ABCC12: variants seen among roughly 807,000 people sequenced by gnomAD.
The protein encoded by ABCC12 is ATP-binding cassette sub-family C member 12.
A neutral mutation model predicts 151.1 loss-of-function variants in ABCC12; 142 were observed. That is an observed-to-expected ratio of 0.94 (90% CI 0.82 to 1.08). The LOEUF (loss-of-function observed/expected upper bound fraction) is 1.08, where lower values mean the gene tolerates loss of function less well. ABCC12 is among the 50% of genes least tolerant of loss of function. The pLI is 0.00. For synonymous variants in ABCC12, 645 were observed against 646.4 expected (o/e 1.00, Z 0.03); for missense variants, 1,638 against 1,691.1 (o/e 0.97, Z 0.55).
Position 48,091,158 on chromosome 16 carries a change from T to C in ABCC12, c.3247A>G (p.Lys1083Glu), listed in dbSNP as rs1962870300. The change falls in exon 25 of 31, where the codon AAA (lysine) becomes GAA (glutamate). Residue 1083 changes from lysine to glutamate, a missense_variant. By Grantham distance (56) the Lys-to-Glu change is moderately conservative. Transcript: ENST00000311303. The stretch of plus-strand genomic sequence containing the variant: ...CTGAGCAGCTCCACGGAGGTGAATT[T>C]GGCTTGCGTCTCTGTTCCCGTTCGC... ...CVRTGTETQAKFTSVELLREY... is the reference protein window; with the variant it reads ...CVRTGTETQAEFTSVELLREY... 6.2e-7 allele frequency: 1 copy of C among 1,614,112 alleles called. No homozygotes were observed. The highest frequency in any genetic ancestry group is 1.3e-5 in the African/African-American group (1 of 74,940).
chr16:48,141,414 C>A (rs1048886702), intron 4 of ABCC12, 61 bp from the exon 5 acceptor site: 1 of 1,591,794 alleles, frequency 6.3e-7, no homozygotes, highest in South Asian at 1.1e-5. Flanking sequence ...TTTGAAGCTA[C>A]GCTGTTGGGC....
chr16:48,112,722 A>T (rs1010207876), intron 15 of ABCC12, among the ~76,000 whole-genome samples: 2 of 152,108 alleles, frequency 1.3e-5, no homozygotes, highest in African/African-American at 4.8e-5. Context: ...TGTGTTCTAA[A>T]ATTACAAGCC....
chr16:48,137,148 A>C (rs910199779), intron 8 of ABCC12, among the ~76,000 whole-genome samples: 8 of 152,096 alleles, frequency 5.3e-5, no homozygotes, highest in African/African-American at 1.9e-4. Flanking sequence ...TCCAGGAGAG[A>C]GAGGATATTG....
In ABCC12 at chr16:48,133,675, G is replaced by C; in HGVS notation, c.1128+12C>G. On this transcript the variant is annotated intron_variant, in intron 9 of 30. Transcript: ENST00000311303. The stretch of plus-strand genomic sequence containing the variant: ...GGTTGTGAAAGAGCCTCGATCTGGA[G>C]CCAGCTCTTACCACGGGTGCGGTGA... The C allele has an allele frequency of 6.2e-7, 1 of 1,613,388 alleles. No homozygotes were observed. Among genetic ancestry groups the C allele is most frequent in the Non-Finnish European group, 8.5e-7 (1 of 1,179,732 alleles).
chr16:48,153,441 A>G (rs1965142093), intron 2 of ABCC12, among the ~76,000 whole-genome samples, 175 bp downstream of exon 2: 1 of 152,140 alleles, frequency 6.6e-6, no homozygotes, highest in Non-Finnish European at 1.5e-5. Context: ...CTCAGCTCTC[A>G]GGAGCCATGC....
At chr16:48,101,587 C>T (rs73540863) in intron 22 of ABCC12, among the ~76,000 whole-genome samples, 2,620 of 152,030 alleles carry the variant, frequency 0.017, 69 homozygotes, top group African/African-American at 0.06. Flanking sequence ...GGCTGGCCCC[C>T]GAGAGAGAAG....
chr16:48,140,350 C>A (rs1378550612), intron 6 of ABCC12, among the ~76,000 whole-genome samples: 1 of 152,154 alleles, frequency 6.6e-6, no homozygotes, highest in Non-Finnish European at 1.5e-5. Flanking sequence ...TTGGAGCCAT[C>A]AGTTCATCCA....
Position 48,153,779 on chromosome 16 carries a change from A to T in ABCC12, c.-214T>A, listed in dbSNP as rs1438364528. ...TCAGCGCGCATAGGAAATTGGTGCTAGAAGGTAATTTCCTTGAGTGCTCCC... is the reference window on the plus strand; with the variant it reads ...TCAGCGCGCATAGGAAATTGGTGCTTGAAGGTAATTTCCTTGAGTGCTCCC... On this transcript the variant is annotated 5_prime_UTR_variant, in exon 2 of 31. An upstream open reading frame in the 5' UTR loses its in-frame stop. Transcript: ENST00000311303. 1 of 152,230 alleles carries T rather than the reference A, an allele frequency of 6.6e-6. No individual in the cohort carries two copies. The highest frequency in any genetic ancestry group is 1.5e-5 in the Non-Finnish European group (1 of 68,052). The allele number at this position is 152,230 out of a possible 1,614,324, so 9.4% of individuals were successfully genotyped here. A position where few individuals can be genotyped will look rare whatever the true frequency, so the allele number is the denominator to read the frequency against.
At chr16:48,107,456 T>A in intron 19 of ABCC12, 31 bp from the exon 20 acceptor site, 1 of 1,590,832 alleles carries the variant, frequency 6.3e-7, no homozygotes, top group Non-Finnish European at 8.6e-7. Flanking sequence ...CCCAAGGGGC[T>A]GCAGACATGA....
At chr16:48,121,560 A>T (rs1490415637) in intron 13 of ABCC12, 156 bp downstream of exon 13, 6 of 1,032,988 alleles carry the variant, frequency 5.8e-6, no homozygotes, top group Non-Finnish European at 6.9e-6. Context: ...TTGGCTCAGG[A>T]AGAGGAAAAC....
Position 48,082,498 on chromosome 16 carries a change from C to T in ABCC12, c.*1217G>A, listed in dbSNP as rs28560105. 7.1e-3 allele frequency among the ~76,000 whole-genome samples: 1,075 copies of T among 152,324 alleles called. 7 individuals are homozygous for T. Among genetic ancestry groups the T allele is most frequent in the African/African-American group, 0.024 (977 of 41,574 alleles). On this transcript the variant is annotated 3_prime_UTR_variant, in exon 31 of 31. Coordinates refer to ENST00000311303, the MANE Select transcript of ABCC12 (RefSeq NM_001393797.1). Reference sequence around the variant, plus strand: ...GCCAGGCTCCACAGCTGTGTTTCAGCGAGTTCATTAGATGCTGTCATTCAT... The same window carrying T: ...GCCAGGCTCCACAGCTGTGTTTCAGTGAGTTCATTAGATGCTGTCATTCAT...
At chr16:48,090,483 T>C (rs981876816) in intron 25 of ABCC12, among the ~76,000 whole-genome samples, 2 of 149,994 alleles carry the variant, frequency 1.3e-5, no homozygotes, top group African/African-American at 4.9e-5. Flanking sequence ...GCTTCAAGCA[T>C]TCCTCCTGCC....
At chr16:48,109,514 G>C (rs1375328644) in intron 18 of ABCC12, among the ~76,000 whole-genome samples, 3 of 152,212 alleles carry the variant, frequency 2.0e-5, no homozygotes, top group Non-Finnish European at 2.9e-5. Flanking sequence ...TTTATAAACA[G>C]AGATAAATAG....
chr16:48,126,837 C>T (rs1461762342), intron 11 of ABCC12, among the ~76,000 whole-genome samples: 14 of 152,138 alleles, frequency 9.2e-5, no homozygotes, highest in Admixed American at 9.2e-4. Flanking sequence ...AAAACATTGA[C>T]TGCATCCTTG....
chr16:48,139,862 T>G (rs1328427709), intron 6 of ABCC12, among the ~76,000 whole-genome samples: 2 of 152,186 alleles, frequency 1.3e-5, no homozygotes, highest in African/African-American at 4.8e-5. Flanking sequence ...CTACCACCTG[T>G]CTGAAGCGTG....
chr16:48,115,862 T>C (rs1963867483), intron 14 of ABCC12, among the ~76,000 whole-genome samples: 1 of 152,188 alleles, frequency 6.6e-6, no homozygotes, highest in African/African-American at 2.4e-5. Context: ...CAAAGCTCTT[T>C]CCCATGAGGA....
chr16:48,110,886 T>A (rs1207700605), intron 18 of ABCC12, among the ~76,000 whole-genome samples: 2 of 152,262 alleles, frequency 1.3e-5, no homozygotes, highest in African/African-American at 4.8e-5. Flanking sequence ...CTCTTCTTAC[T>A]CTCCTCAGCC....
chr16:48,115,690 G>A, intron 14 of ABCC12, 72 bp from the exon 15 acceptor site: 3 of 1,451,662 alleles, frequency 2.1e-6, no homozygotes, highest in South Asian at 2.6e-5. Flanking sequence ...AAGCTTCCTG[G>A]AGCTTCTCAG....
intron 14 of ABCC12, among the ~76,000 whole-genome samples, chr16:48,116,821 T>C (rs1352322151): frequency 6.6e-6 from 1 of 151,900 alleles, no homozygotes; most frequent in African/African-American, 2.4e-5. Context: ...GGTGGCAGGC[T>C]CAGCCCAGGA....
Sources: allele counts gnomAD v4.1 joint callset (sites outside exome capture counted in the v4.1 genomes callset), GRCh38; gene constraint gnomAD v4.1.1; transcripts MANE v1.5; gene names NCBI Gene and HGNC (gene_info 2026-07-23, HGNC 2026-07-21).